Variants in ZNF236 observed in about 807,000 individuals in gnomAD.
The protein encoded by ZNF236 is zinc finger protein 236.
In ZNF236, 50 loss-of-function variants were observed where a neutral mutation model predicts 191.2. The ratio of observed to expected loss-of-function variants is 0.26; its 90% CI spans 0.21 to 0.33. The LOEUF is 0.33. ZNF236 is among the 10% of genes least tolerant of loss of function. The pLI, the probability that ZNF236 is intolerant of heterozygous loss-of-function variation, is 1.00. For missense variants in ZNF236, 1,754 were observed against 2,374.5 expected, an observed-to-expected ratio of 0.74 and a Z score of 5.43; for synonymous variants, 907 against 928.8, an observed-to-expected ratio of 0.98 and a Z score of 0.43.
At chr18:76,839,352 TGAGATTTCCA>T (rs113148807) in intron 1 of ZNF236, among the ~76,000 whole-genome samples, 6,798 of 152,312 alleles carry the variant, frequency 0.045, 451 homozygotes, top group African/African-American at 0.15. Context: ...TGGCAATATA[TGAGATTTCCA>T]GTTACTTTCT....
intron 1 of ZNF236, among the ~76,000 whole-genome samples, chr18:76,840,424 G>T (rs1975447091): frequency 6.6e-6 from 1 of 151,968 alleles, no homozygotes; most frequent in Admixed American, 6.5e-5. Flanking sequence ...AACCCAGGAG[G>T]TGGAGGTTGC....
chr18:76,963,830 A>C (rs1347184648), intron 30 of ZNF236, among the ~76,000 whole-genome samples: 2 of 152,174 alleles, frequency 1.3e-5, no homozygotes, highest in Non-Finnish European at 2.9e-5. Context: ...GAATTTATCC[A>C]TCTTTCTAGG....
chr18:76,950,649 A>G (rs2122930230), intron 27 of ZNF236, among the ~76,000 whole-genome samples: 1 of 152,340 alleles, frequency 6.6e-6, no homozygotes, highest in Non-Finnish European at 1.5e-5. Context: ...TCTCAAAGTC[A>G]TCCATGAGGG....
At chr18:76,910,603 A>G in intron 15 of ZNF236, 57 bp from the exon 16 acceptor site, 3 of 1,536,334 alleles carry the variant, frequency 2.0e-6, no homozygotes, top group Non-Finnish European at 2.7e-6. Flanking sequence ...TTTTCTTAGA[A>G]CATTTTAATG....
chr18:76,838,705 G>A (rs1975403062), intron 1 of ZNF236, among the ~76,000 whole-genome samples: 2 of 152,200 alleles, frequency 1.3e-5, no homozygotes, highest in Admixed American at 6.5e-5. Context: ...AGAAAGTTAT[G>A]TATTATAGCA....
At chr18:76,967,743 A>T (rs1167984632) in intron 30 of ZNF236, among the ~76,000 whole-genome samples, 2 of 140,546 alleles carry the variant, frequency 1.4e-5, no homozygotes, top group Non-Finnish European at 3.1e-5. Flanking sequence ...TGAGGCTTGC[A>T]GGTGTTCTTT....
Position 76,920,322 on chromosome 18 carries a change from G to A in ZNF236, c.3557+264G>A, listed in dbSNP as rs571976575. Among the ~76,000 whole-genome samples the A allele has an allele frequency of 5.4e-4, 82 of 152,204 alleles. No homozygotes were observed. The East Asian group carries it at 8.9e-3, about 16-fold the overall frequency. Reference sequence around the variant, plus strand: ...TCCCAGCACTTTGGGAGGCTGAGGCGGGAGGATCACCTGAGGTTGGGAGTT... The same window carrying A: ...TCCCAGCACTTTGGGAGGCTGAGGCAGGAGGATCACCTGAGGTTGGGAGTT... On this transcript the variant is annotated intron_variant, in intron 20 of 30. Coordinates refer to ENST00000320610, the MANE Select transcript of ZNF236 (RefSeq NM_001306089.2).
At chr18:76,881,158 T>C (rs1030253297) in intron 8 of ZNF236, 126 bp from the exon 9 acceptor site, 1 of 849,020 alleles carries the variant, frequency 1.2e-6, no homozygotes, top group Non-Finnish European at 1.8e-6. Context: ...AAGTGATGAC[T>C]TGGAATTGTA....
Position 76,881,532 on chromosome 18 carries a change from A to C in ZNF236, c.1417+20A>C. 1 of 1,599,484 alleles carries C rather than the reference A, an allele frequency of 6.3e-7. No homozygotes were observed. Among genetic ancestry groups the C allele is most frequent in the East Asian group, 2.2e-5 (1 of 44,742 alleles). On this transcript the variant is annotated intron_variant, in intron 9 of 30. Coordinates refer to ENST00000320610, the MANE Select transcript of ZNF236 (RefSeq NM_001306089.2). ...TACCTGGTAATTTTCCTAAACTTTA[A>C]AGTTTGGACATTTGGGATAGCATAT...
intron 1 of ZNF236, among the ~76,000 whole-genome samples, chr18:76,829,149 A>T (rs547772004): frequency 6.6e-6 from 1 of 152,304 alleles, no homozygotes; most frequent in Admixed American, 6.5e-5. Flanking sequence ...TGCTTTTTAT[A>T]TTTCAAGCCT....
intron 1 of ZNF236, among the ~76,000 whole-genome samples, chr18:76,843,897 G>T (rs1180632842): frequency 6.7e-6 from 1 of 150,320 alleles, no homozygotes; most frequent in African/African-American, 2.4e-5. Context: ...TAAAGAAGAG[G>T]CTGGGTGCAG....
rs556070695 is a variant in ZNF236, at chr18:76,958,231, T to G, written c.5113-1456T>G. ...TCGCAAACTTATTTGATGATGAAAT[T>G]CTTTCTTGAGGAACATTTGCCATTG... On this transcript the variant is annotated intron_variant, in intron 28 of 30. Transcript: ENST00000320610. Among the ~76,000 whole-genome samples the G allele has an allele frequency of 1.2e-4, 19 of 152,346 alleles. 1 individual carries two copies. The South Asian group carries it at 3.9e-3, about 32-fold the overall frequency.
Position 76,919,744 on chromosome 18 carries a change from G to T in ZNF236, c.3275-32G>T, listed in dbSNP as rs771105691. On this transcript the variant is annotated intron_variant, in intron 19 of 30. Coordinates refer to ENST00000320610, the MANE Select transcript of ZNF236 (RefSeq NM_001306089.2). This position sits in a 1 kb window ranked among gnomAD's most constrained non-coding sequence, Gnocchi z 5.3. ...TAAAAACCTAGGTTTTCTTCATTACGATTTTGATCCCTTTTCCTTGATTTT... is the reference window on the plus strand; with the variant it reads ...TAAAAACCTAGGTTTTCTTCATTACTATTTTGATCCCTTTTCCTTGATTTT... 2.5e-6 allele frequency: 4 copies of T among 1,601,338 alleles called. No homozygotes were observed. The African/African-American group carries it at 4.0e-5, about 16-fold the overall frequency.
intron 11 of ZNF236, among the ~76,000 whole-genome samples, chr18:76,900,401 CAAAT>C (rs1009878674): frequency 1.3e-5 from 2 of 152,152 alleles, no homozygotes; most frequent in Non-Finnish European, 2.9e-5. Flanking sequence ...TTTGAGCACA[CAAAT>C]AAAAAGAGTT....
intron 3 of ZNF236, among the ~76,000 whole-genome samples, chr18:76,864,518 C>T (rs1455443318): frequency 1.3e-5 from 2 of 151,986 alleles, no homozygotes; most frequent in African/African-American, 2.4e-5. Context: ...TTTACACACA[C>T]ATACACACAC....
chr18:76,863,735 T>C (rs903375177), intron 3 of ZNF236, among the ~76,000 whole-genome samples: 4 of 152,104 alleles, frequency 2.6e-5, no homozygotes, highest in African/African-American at 4.8e-5. Flanking sequence ...CTACAAATTC[T>C]ATATGTGGTA....
At chr18:76,956,510 G>C (rs1314301623) in intron 28 of ZNF236, among the ~76,000 whole-genome samples, 1 of 152,170 alleles carries the variant, frequency 6.6e-6, no homozygotes, top group East Asian at 1.9e-4. Context: ...ACAGAGGCTC[G>C]CTCACGTAAT....
chr18:76,884,994 T>C (rs993956334), intron 9 of ZNF236: 3 of 152,168 alleles, frequency 2.0e-5, no homozygotes, highest in African/African-American at 7.2e-5. Flanking sequence ...AATACTAGTG[T>C]GAATGGCACA....
rs1968914127 is a variant in ZNF236, at chr18:76,972,027, T to C, written c.*3688T>C. Reference sequence around the variant, plus strand: ...GGAAGTAAGTGAGGCAGAGATGAGATTATGCGGCGGATACTTCTGAAGGAA... The same window carrying C: ...GGAAGTAAGTGAGGCAGAGATGAGACTATGCGGCGGATACTTCTGAAGGAA... On this transcript the variant is annotated 3_prime_UTR_variant, in exon 31 of 31. Transcript: ENST00000320610. 6.6e-6 allele frequency among the ~76,000 whole-genome samples: 1 copy of C among 152,234 alleles called. No homozygotes were observed. The highest frequency in any genetic ancestry group is 2.4e-5 in the African/African-American group (1 of 41,466).
Sources: allele counts gnomAD v4.1 joint callset (sites outside exome capture counted in the v4.1 genomes callset), GRCh38; gene constraint gnomAD v4.1.1; non-coding constraint Gnocchi (gnomAD v3.1); transcripts MANE v1.5; gene names NCBI Gene and HGNC (gene_info 2026-07-23, HGNC 2026-07-21).